Variants in CD247 observed in about 807,000 individuals in gnomAD.
CD247 encodes CD247 molecule.
CD247 carries 13 observed loss-of-function variants against 30.0 expected under a neutral mutation model. The ratio of observed to expected loss-of-function variants is 0.43; its 90% confidence interval spans 0.28 to 0.69. The LOEUF (loss-of-function observed/expected upper bound fraction) is 0.69, where lower values mean the gene tolerates loss of function less well. CD247 is among the 30% of genes least tolerant of loss of function. The pLI, the probability that CD247 is intolerant of heterozygous loss-of-function variation, is 0.16. For synonymous variants in CD247, 72 were observed against 80.0 expected, an observed-to-expected ratio of 0.90 and a Z score of 0.53; for missense variants, 193 against 212.6, an observed-to-expected ratio of 0.91 and a Z score of 0.57.
intron 1 of CD247, among the ~76,000 whole-genome samples, chr1:167,512,754 C>T (rs1192603024): frequency 6.6e-6 from 1 of 152,192 alleles, no homozygotes; most frequent in Non-Finnish European, 1.5e-5. Context: ...CAGTCCCCTG[C>T]GTGAAGAGGC....
intron 4 of CD247, 92 bp from the exon 5 acceptor site, chr1:167,435,526 G>T: frequency 4.9e-6 from 5 of 1,023,718 alleles, no homozygotes; most frequent in Non-Finnish European, 7.7e-6. Context: ...CCTGACTGCA[G>T]TTTCCTGGGG....
chr1:167,445,837 G>T (rs1652053203), intron 1 of CD247, among the ~76,000 whole-genome samples: 1 of 152,166 alleles, frequency 6.6e-6, no homozygotes, highest in Non-Finnish European at 1.5e-5. Flanking sequence ...AGCAAATCCT[G>T]TTTCGGAGCT....
chr1:167,516,881 T>C lies in CD247; in HGVS notation c.58+1527A>G, dbSNP rs541623909. ...CACCCAACAATCTTTCATTTTTCTT[T>C]CTAACTTCACTTTGCCCCTACCTTG... On this transcript the variant is annotated intron_variant, in intron 1 of 7. Transcript: ENST00000362089. Among the ~76,000 whole-genome samples, 209 of 152,284 alleles carry C rather than the reference T, an allele frequency of 1.4e-3. 2 individuals carry two copies. Among genetic ancestry groups the C allele is most frequent in the Non-Finnish European group, 1.2e-4 (8 of 68,006 alleles).
At chr1:167,489,513 G>T (rs1432291813) in intron 1 of CD247, among the ~76,000 whole-genome samples, 1 of 152,160 alleles carries the variant, frequency 6.6e-6, no homozygotes, top group Admixed American at 6.5e-5. Flanking sequence ...ACCCTATTCA[G>T]TGATGAGAGA....
At position 167,431,543 on chromosome 1, in the gene CD247, A is replaced by G. The variant is rs1571502857; in HGVS notation, c.*138T>C. 1 of 809,220 alleles carries G rather than the reference A, an allele frequency of 1.2e-6. No homozygotes were observed. Among genetic ancestry groups the G allele is most frequent in the East Asian group, 2.4e-5 (1 of 41,230 alleles). 50.1% of individuals were successfully genotyped at this position (809,220 alleles called of 1,614,324 possible). A position where few individuals can be genotyped will look rare whatever the true frequency, so the allele number is the denominator to read the frequency against. ...TGTGTGTGAAGGTTTGGAGCTAAAT[A>G]TAACCAAAGCATCCTGTACATAAAG... is the stretch of plus-strand genomic sequence containing the variant. On this transcript the variant is annotated 3_prime_UTR_variant, in exon 8 of 8. Transcript: ENST00000362089.
chr1:167,434,014 A>G lies in CD247; in HGVS notation c.393+6T>C. ...CCCTCGGAAATTAAGAAACAGCAAC[A>G]CTCACCTCGCCTTTCATCCCAATCT... On this transcript the variant is annotated splice_donor_region_variant and intron_variant, in intron 6 of 7. Transcript: ENST00000362089. The G allele has an allele frequency of 6.2e-7, 1 of 1,612,696 alleles. No homozygotes were observed. Among genetic ancestry groups the G allele is most frequent in the Non-Finnish European group, 8.5e-7 (1 of 1,178,868 alleles).
intron 1 of CD247, among the ~76,000 whole-genome samples, chr1:167,511,806 C>T (rs1348451066): frequency 6.6e-6 from 1 of 151,900 alleles, no homozygotes; most frequent in Non-Finnish European, 1.5e-5. Context: ...ATGTTTGAGG[C>T]CTGGTTCTAC....
At chr1:167,460,139 C>T (rs1001250143) in intron 1 of CD247, among the ~76,000 whole-genome samples, 3 of 152,172 alleles carry the variant, frequency 2.0e-5, no homozygotes, top group Admixed American at 6.5e-5. Context: ...TGGTGGCTCA[C>T]GCCTGTAATC....
chr1:167,436,953 T>G (rs1183614369), intron 4 of CD247, among the ~76,000 whole-genome samples: 4 of 152,156 alleles, frequency 2.6e-5, no homozygotes, highest in African/African-American at 9.7e-5. Flanking sequence ...AACTACCATA[T>G]GACCCAACAA....
chr1:167,432,133 A>T (rs1399298177), intron 7 of CD247, among the ~76,000 whole-genome samples: 2 of 152,196 alleles, frequency 1.3e-5, no homozygotes, highest in East Asian at 3.9e-4. Flanking sequence ...GCTCCAGAGA[A>T]TCTGCTGTCC....
chr1:167,487,433 G>C (rs1021288081), intron 1 of CD247, among the ~76,000 whole-genome samples: 2 of 152,184 alleles, frequency 1.3e-5, no homozygotes, highest in Admixed American at 1.3e-4. Context: ...GGCAGGTTCA[G>C]GCCAGCTGAT....
At chr1:167,501,318 C>T (rs1279074461) in intron 1 of CD247, among the ~76,000 whole-genome samples, 1 of 152,150 alleles carries the variant, frequency 6.6e-6, no homozygotes, top group Non-Finnish European at 1.5e-5. Context: ...CTCGGCCTCC[C>T]AAAGTGTTGG....
intron 1 of CD247, among the ~76,000 whole-genome samples, chr1:167,466,843 C>CTTTTT (rs58330914): frequency 0.011 from 1,541 of 144,898 alleles, 28 homozygotes; most frequent in African/African-American, 0.037. Context: ...TTATCCTCTT[C>CTTTTT]TTTTTTTTTT....
rs144468704 is a variant in CD247 at position 167,462,398 on chromosome 1, C to T, written c.59-21631G>A. Among the ~76,000 whole-genome samples the T allele has an allele frequency of 4.3e-3, 658 of 152,352 alleles. 3 individuals carry two copies. Among genetic ancestry groups the T allele is most frequent in the Non-Finnish European group, 7.3e-3 (495 of 68,022 alleles). On this transcript the variant is annotated intron_variant, in intron 1 of 7. Coordinates refer to ENST00000362089, the MANE Select transcript of CD247 (RefSeq NM_198053.3). ...GTGTGGTTTAGGGAACAGGCCGCAG[C>T]AATGGGCAGGAACTCTGGCAAAGCT...
intron 1 of CD247, among the ~76,000 whole-genome samples, chr1:167,506,449 G>A (rs887918181): frequency 1.3e-5 from 2 of 149,950 alleles, no homozygotes; most frequent in African/African-American, 2.5e-5. Context: ...CCAGGCTCAA[G>A]CATTTCTCCC....
At chr1:167,453,153 T>C (rs1652451974) in intron 1 of CD247, among the ~76,000 whole-genome samples, 1 of 151,976 alleles carries the variant, frequency 6.6e-6, no homozygotes, top group African/African-American at 2.4e-5. Context: ...GTAACAATCA[T>C]TGTCATACCA....
intron 1 of CD247, among the ~76,000 whole-genome samples, chr1:167,502,748 A>G (rs187102161): frequency 6.6e-6 from 1 of 152,318 alleles, no homozygotes; most frequent in East Asian, 1.9e-4. Flanking sequence ...AGAGACAGCC[A>G]TGCACACACA....
intron 1 of CD247, among the ~76,000 whole-genome samples, chr1:167,517,431 G>T (rs1328995410): frequency 6.6e-6 from 1 of 152,220 alleles, no homozygotes; most frequent in African/African-American, 2.4e-5. Flanking sequence ...CACTTCTCAG[G>T]AAGATGCCAC....
chr1:167,497,811 C>G (rs1197905350), intron 1 of CD247, among the ~76,000 whole-genome samples: 1 of 152,146 alleles, frequency 6.6e-6, no homozygotes, highest in Non-Finnish European at 1.5e-5. Context: ...CAGCCACCAG[C>G]TTTGTGATTC....
Sources: gnomAD v4.1 joint callset for allele counts (sites outside exome capture counted in the v4.1 genomes callset) on GRCh38, gnomAD v4.1.1 for gene constraint, MANE v1.5 for transcripts, NCBI Gene and HGNC (gene_info 2026-07-23, HGNC 2026-07-21) for gene names.